CPEB1: variants seen among roughly 807,000 people sequenced by gnomAD.
The protein encoded by CPEB1 is cytoplasmic polyadenylation element-binding protein 1.
A neutral mutation model predicts 65.8 loss-of-function variants in CPEB1; 7 were observed. The observed-to-expected ratio is 0.11, with a 90% CI of 0.06 to 0.20. CPEB1 has a LOEUF of 0.20. Among genes scored for constraint, CPEB1 ranks in the 10% least tolerant of loss-of-function variants. CPEB1 has a pLI of 1.00. For missense variants in CPEB1, 551 were observed against 712.2 expected (o/e 0.77, Z 2.58); for synonymous variants, 262 against 260.0 (o/e 1.01, Z -0.08).
intron 1 of CPEB1, among the ~76,000 whole-genome samples, chr15:82,644,958 A>C (rs2047380667): frequency 6.6e-6 from 1 of 152,218 alleles, no homozygotes; most frequent in South Asian, 2.1e-4. Context: ...CAGCGAAAGA[A>C]AAGCACATAG....
At chr15:82,598,196 C>A (rs890484346) in intron 3 of CPEB1, among the ~76,000 whole-genome samples, 1 of 152,260 alleles carries the variant, frequency 6.6e-6, no homozygotes, top group Non-Finnish European at 1.5e-5. Context: ...GTCATTTAGG[C>A]TAGGTGCGGT....
At chr15:82,629,775 G>C (rs1275439589) in intron 1 of CPEB1, 1 of 985,128 alleles carries the variant, frequency 1.0e-6, no homozygotes, top group African/African-American at 1.7e-5. Flanking sequence ...AACAAGAAGA[G>C]GCCCAATGTC....
intron 10 of CPEB1, among the ~76,000 whole-genome samples, chr15:82,547,726 G>A (rs1219060966): frequency 1.3e-5 from 2 of 151,808 alleles, no homozygotes; most frequent in African/African-American, 4.8e-5. Context: ...AGGCTGGAGT[G>A]TAATGGCGTG....
intron 3 of CPEB1, among the ~76,000 whole-genome samples, chr15:82,593,497 G>A (rs1218044767): frequency 6.6e-6 from 1 of 152,128 alleles, no homozygotes; most frequent in Admixed American, 6.5e-5. Flanking sequence ...TTTCCACCAC[G>A]TGTGTAGTTA....
At chr15:82,610,575 C>T in intron 3 of CPEB1, among the ~76,000 whole-genome samples, 1 of 152,022 alleles carries the variant, frequency 6.6e-6, no homozygotes, top group Admixed American at 6.6e-5. Context: ...AAAAAAATCA[C>T]ATGATCATCT....
chr15:82,647,775 G>A (rs182071420), upstream of CPEB1: 5 of 1,192,860 alleles, frequency 4.2e-6, no homozygotes, highest in African/African-American at 1.6e-5. Context: ...GTACCGCGGC[G>A]CCGGACCCGG....
intron 3 of CPEB1, among the ~76,000 whole-genome samples, chr15:82,626,075 G>A (rs941795437): frequency 2.7e-5 from 4 of 148,488 alleles, no homozygotes; most frequent in Non-Finnish European, 4.5e-5. Flanking sequence ...AGCTGAGATC[G>A]CACCACTGCA....
At chr15:82,631,960 C>A (rs1211588893) in intron 1 of CPEB1, among the ~76,000 whole-genome samples, 2 of 148,636 alleles carry the variant, frequency 1.3e-5, no homozygotes, top group East Asian at 4.0e-4. Context: ...AGTCTAAACA[C>A]AGAATTCATT....
intron 3 of CPEB1, among the ~76,000 whole-genome samples, chr15:82,618,958 A>C (rs999730316): frequency 6.6e-6 from 1 of 152,210 alleles, no homozygotes; most frequent in African/African-American, 2.4e-5. Flanking sequence ...TGGAGCTTGG[A>C]CTGATGAGCT....
rs371340805 is a variant in CPEB1 at position 82,559,078 on chromosome 15, A to C, written c.461-1092T>G. On this transcript the variant is annotated intron_variant, in intron 4 of 12. Coordinates refer to ENST00000684509, the MANE Select transcript of CPEB1 (RefSeq NM_001365242.1). ...TGGCCCCACTTCCGCCCTGACTAGC[A>C]ATGAAATGAAACACAGGTCACCCAG... Among the ~76,000 whole-genome samples, 313 of 152,274 alleles carry C rather than the reference A, an allele frequency of 2.1e-3. 1 individual carries two copies. Among genetic ancestry groups the C allele is most frequent in the African/African-American group, 7.4e-3 (307 of 41,550 alleles).
intron 3 of CPEB1, among the ~76,000 whole-genome samples, chr15:82,589,899 G>A (rs889001485): frequency 6.6e-6 from 1 of 152,136 alleles, no homozygotes; most frequent in Admixed American, 6.5e-5. Context: ...TTAGGTATAA[G>A]TAATCTAGAG....
intron 1 of CPEB1, among the ~76,000 whole-genome samples, chr15:82,644,228 GCAGTT>G (rs1406157903): frequency 6.6e-6 from 1 of 152,122 alleles, no homozygotes; most frequent in Non-Finnish European, 1.5e-5. Context: ...TCCTGCCAAT[GCAGTT>G]AAGGTTCACT....
intron 3 of CPEB1, among the ~76,000 whole-genome samples, chr15:82,586,991 A>G (rs2041856057): frequency 6.6e-6 from 1 of 152,220 alleles, no homozygotes; most frequent in Non-Finnish European, 1.5e-5. Flanking sequence ...AATTGTCTTT[A>G]AGACAGTTTC....
At chr15:82,627,795 G>T (rs1433882190) in intron 2 of CPEB1, among the ~76,000 whole-genome samples, 1 of 152,178 alleles carries the variant, frequency 6.6e-6, no homozygotes, top group Non-Finnish European at 1.5e-5. Context: ...CTCTTTTTCA[G>T]AATTGGTTCA....
At chr15:82,630,993 A>C (rs2046198276) in intron 1 of CPEB1, among the ~76,000 whole-genome samples, 1 of 152,182 alleles carries the variant, frequency 6.6e-6, no homozygotes, top group Non-Finnish European at 1.5e-5. Context: ...CCACATCTAA[A>C]GGCAAGTAAA....
At chr15:82,635,430 T>C (rs1013111801) in intron 1 of CPEB1, among the ~76,000 whole-genome samples, 2 of 152,206 alleles carry the variant, frequency 1.3e-5, no homozygotes, top group Admixed American at 6.5e-5. Flanking sequence ...AATGACTCTA[T>C]AGTTTGCTGA....
chr15:82,565,217 A>T (rs1361717825), intron 4 of CPEB1, among the ~76,000 whole-genome samples: 1 of 152,196 alleles, frequency 6.6e-6, no homozygotes, highest in Non-Finnish European at 1.5e-5. Context: ...ACCTAATTGT[A>T]CCTCTATAGG....
In CPEB1 at chr15:82,606,288, C is replaced by A. The variant is rs140481004; in HGVS notation, c.271+20905G>T. 1.7e-3 allele frequency among the ~76,000 whole-genome samples: 262 copies of A among 150,516 alleles called. 4 individuals are homozygous for A. Among genetic ancestry groups the A allele is most frequent in the Non-Finnish European group, 1.9e-4 (13 of 67,678 alleles). On this transcript the variant is annotated intron_variant, in intron 3 of 12. Coordinates refer to ENST00000684509, the MANE Select transcript of CPEB1 (RefSeq NM_001365242.1). Reference sequence around the variant, plus strand: ...TTTGAGACCAGCCTGGCCAACATGGCGAAACCTTGTCTCTAACTAAAAATA... The same window carrying A: ...TTTGAGACCAGCCTGGCCAACATGGAGAAACCTTGTCTCTAACTAAAAATA...
chr15:82,646,799 G>A (rs1022960472), intron 1 of CPEB1, among the ~76,000 whole-genome samples: 6 of 152,096 alleles, frequency 3.9e-5, no homozygotes, highest in Admixed American at 3.9e-4. Flanking sequence ...AATGACGCCG[G>A]GTGGGACACC....
Sources: allele counts gnomAD v4.1 joint callset (sites outside exome capture counted in the v4.1 genomes callset), GRCh38; gene constraint gnomAD v4.1.1; transcripts MANE v1.5; gene names NCBI Gene and HGNC (gene_info 2026-07-23, HGNC 2026-07-21).